The following DPP6 variants were observed in gnomAD, a reference collection of about 807,000 sequenced individuals.
The protein encoded by DPP6 is dipeptidyl peptidase like 6, also known as A-type potassium channel modulatory protein DPP6.
DPP6 carries 69 observed loss-of-function variants against 122.6 expected under a neutral mutation model. The observed-to-expected ratio is 0.56, with a 90% CI of 0.46 to 0.69. The LOEUF is 0.69. Among genes scored for constraint, DPP6 ranks in the 30% least tolerant of loss-of-function variants. The pLI is 0.00. For missense variants in DPP6, 928 were observed against 1,116.9 expected (o/e 0.83, Z 2.41); for synonymous variants, 418 against 433.1 (o/e 0.97, Z 0.43).
intron 1 of DPP6, among the ~76,000 whole-genome samples, chr7:153,940,039 G>A (rs1364020697): frequency 6.6e-6 from 1 of 152,200 alleles, no homozygotes; most frequent in Admixed American, 6.5e-5. Flanking sequence ...GACATGGCAT[G>A]GCTCCTTCTC....
At chr7:154,129,019 A>G (rs555081318) in intron 1 of DPP6, among the ~76,000 whole-genome samples, 1 of 152,134 alleles carries the variant, frequency 6.6e-6, no homozygotes, top group African/African-American at 2.4e-5. Context: ...TGTTGAGGAC[A>G]TAACATCTCC....
At chr7:153,918,567 T>TCACA (rs1563006184) in intron 1 of DPP6, among the ~76,000 whole-genome samples, 37 of 46,130 alleles carry the variant, frequency 8.0e-4, no homozygotes, top group South Asian at 1.5e-3. Context: ...ACACACACAG[T>TCACA]CTCTCTCTCT....
the DPP6 span, among the ~76,000 whole-genome samples, chr7:153,752,533 G>A: frequency 4.0e-5 from 6 of 151,738 alleles, no homozygotes; most frequent in Non-Finnish European, 5.9e-5. Context: ...ACAGGCGTGA[G>A]CCACCATGCC....
At chr7:154,469,302 A>G (rs1563720455) in intron 2 of DPP6, among the ~76,000 whole-genome samples, 1 of 152,212 alleles carries the variant, frequency 6.6e-6, no homozygotes, top group East Asian at 1.9e-4. Context: ...TCTCATCCCA[A>G]CAATAGTTAT....
chr7:154,726,595 A>G (rs1315256879), intron 7 of DPP6, among the ~76,000 whole-genome samples: 1 of 152,198 alleles, frequency 6.6e-6, no homozygotes, highest in African/African-American at 2.4e-5. Flanking sequence ...CTAGGCCTCC[A>G]GGCCTGTGAT....
chr7:153,931,651 A>G (rs1801176629), intron 1 of DPP6, among the ~76,000 whole-genome samples: 2 of 152,360 alleles, frequency 1.3e-5, no homozygotes, highest in Admixed American at 6.5e-5. Flanking sequence ...TTCTTTGAGC[A>G]CTTATTTCTG....
chr7:154,516,351 G>A (rs894906239), intron 3 of DPP6, among the ~76,000 whole-genome samples: 3 of 152,082 alleles, frequency 2.0e-5, no homozygotes, highest in African/African-American at 4.8e-5. Context: ...GGGAATGTCA[G>A]GAGACCATGC....
chr7:154,060,947 A>G (rs1205621373), intron 1 of DPP6, among the ~76,000 whole-genome samples: 2 of 146,152 alleles, frequency 1.4e-5, no homozygotes, highest in African/African-American at 4.9e-5. Context: ...TAGGACCCCC[A>G]TCGTTGATGT....
intron 1 of DPP6, among the ~76,000 whole-genome samples, chr7:154,185,682 T>C (rs1278969560): frequency 6.6e-6 from 1 of 152,200 alleles, no homozygotes; most frequent in East Asian, 1.9e-4. Flanking sequence ...TTTCTGACAA[T>C]AGATCGACAG....
intron 16 of DPP6, among the ~76,000 whole-genome samples, chr7:154,825,708 G>A (rs1162529177): frequency 6.6e-6 from 1 of 152,198 alleles, no homozygotes. Flanking sequence ...CCACACTGCT[G>A]TTTCTCCAAT....
In DPP6 at chr7:154,063,004, T is replaced by TC. The variant is rs1181074431; in HGVS notation, c.243+9948dup. On this transcript the variant is annotated intron_variant, in intron 1 of 25. Transcript: ENST00000377770. ...GGAATTACTGAGAGCCAGTCCCTCT[T>TC]CCCCCCCTGGCTCTGAGGAACCCCA... Among the ~76,000 whole-genome samples the TC allele has an allele frequency of 4.8e-4, 63 of 132,358 alleles. 9 individuals carry two copies. In the East Asian group the frequency reaches 5.6e-3, roughly 12 times the overall value. The allele number at this position is 132,358 out of a possible 152,430, so 86.8% of individuals were successfully genotyped here.
At chr7:154,547,328 A>T (rs1439179442) in intron 4 of DPP6, among the ~76,000 whole-genome samples, 1 of 152,246 alleles carries the variant, frequency 6.6e-6, no homozygotes, top group Non-Finnish European at 1.5e-5. Flanking sequence ...GCAGCTCGTG[A>T]TGCCCACTGA....
rs544281511 is a variant in DPP6 at position 154,558,023 on chromosome 7, G to A, written c.553-8819G>A. Among the ~76,000 whole-genome samples, 5 of 152,048 alleles carry A rather than the reference G, an allele frequency of 3.3e-5. No homozygotes were observed. In the South Asian group the frequency reaches 6.2e-4, roughly 19 times the overall value. On this transcript the variant is annotated intron_variant, in intron 4 of 25. Coordinates refer to ENST00000377770, the MANE Select transcript of DPP6 (RefSeq NM_130797.4). ...GTAGGTTTGTTACGTAGGTATACAC[G>A]TGCCACAGTGGTTTGCTGCACCCAT...
intron 1 of DPP6, among the ~76,000 whole-genome samples, chr7:154,415,356 G>T (rs11767211): frequency 6.6e-6 from 1 of 152,102 alleles, no homozygotes; most frequent in African/African-American, 2.4e-5. Flanking sequence ...AAAATATGCC[G>T]CATATAATAT....
chr7:153,991,759 G>C (rs1256518993), intron 1 of DPP6, among the ~76,000 whole-genome samples: 3 of 152,114 alleles, frequency 2.0e-5, no homozygotes, highest in Non-Finnish European at 4.4e-5. Context: ...GATGTTCCAG[G>C]AGGTTCTTGC....
chr7:154,869,802 T>C (rs1184540148), intron 18 of DPP6, among the ~76,000 whole-genome samples: 1 of 152,136 alleles, frequency 6.6e-6, no homozygotes, highest in East Asian at 1.9e-4. Flanking sequence ...GTCAGAACAT[T>C]CTGGAATTTT....
At chr7:153,906,246 C>T (rs926861076) in intron 1 of DPP6, among the ~76,000 whole-genome samples, 1 of 152,080 alleles carries the variant, frequency 6.6e-6, no homozygotes, top group Admixed American at 6.5e-5. Context: ...AGTTGTGTTA[C>T]GCGGATATAG....
At chr7:153,939,719 A>T (rs1801613429) in intron 1 of DPP6, among the ~76,000 whole-genome samples, 2 of 152,250 alleles carry the variant, frequency 1.3e-5, no homozygotes, top group Non-Finnish European at 2.9e-5. Flanking sequence ...CCATGCTCTC[A>T]TATGAAAGAC....
At chr7:154,264,288 C>A (rs1404173492) in intron 1 of DPP6, among the ~76,000 whole-genome samples, 1 of 152,108 alleles carries the variant, frequency 6.6e-6, no homozygotes, top group Non-Finnish European at 1.5e-5. Flanking sequence ...CAATTCATAA[C>A]AAAGCTTTCA....
Sources: allele counts gnomAD v4.1 joint callset (sites outside exome capture counted in the v4.1 genomes callset), GRCh38; gene constraint gnomAD v4.1.1; transcripts MANE v1.5; gene names NCBI Gene and HGNC (gene_info 2026-07-23, HGNC 2026-07-21).